The following ARHGEF39 variants were observed in gnomAD, a reference collection of about 807,000 sequenced individuals.
The protein encoded by ARHGEF39 is Rho guanine nucleotide exchange factor 39, also known as Rho guanine nucleotide exchange factor (GEF) 39.
In ARHGEF39, 45 loss-of-function variants were observed where a neutral mutation model predicts 47.5. The observed-to-expected ratio is 0.95, with a 90% CI of 0.75 to 1.22. ARHGEF39 has a LOEUF of 1.22. Among genes scored for constraint, ARHGEF39 ranks in the 50% most tolerant of loss-of-function variants. The pLI is 0.00. For missense variants in ARHGEF39, 411 were observed against 425.3 expected, an observed-to-expected ratio of 0.97 and a Z score of 0.30; for synonymous variants, 164 against 167.8, an observed-to-expected ratio of 0.98 and a Z score of 0.17.
rs373051260 is a variant in ARHGEF39 at position 35,660,786 on chromosome 9, A to G, written c.*1201T>C. The G allele has an allele frequency of 1.2e-5, 19 of 1,614,012 alleles. No individual in the cohort carries two copies. The highest frequency in any genetic ancestry group is 6.7e-5 in the African/African-American group (5 of 74,938). ...TGGAGCCCAGCAGGAGCTTCTGAACATGAAGCTATGGACCATCCACGAGCT... is the reference window on the plus strand; with the variant it reads ...TGGAGCCCAGCAGGAGCTTCTGAACGTGAAGCTATGGACCATCCACGAGCT... On this transcript the variant is annotated 3_prime_UTR_variant, in exon 9 of 9. Transcript: ENST00000378387.
chr9:35,665,010 G>A, intron 1 of ARHGEF39, 22 bp downstream of exon 1: 1 of 1,539,118 alleles, frequency 6.5e-7, no homozygotes, highest in Non-Finnish European at 8.7e-7. Flanking sequence ...CCTATAATGG[G>A]AGCGTGTGCC....
chr9:35,661,330 G>T lies in ARHGEF39; in HGVS notation c.*657C>A. On this transcript the variant is annotated 3_prime_UTR_variant, in exon 9 of 9. Transcript: ENST00000378387. ...TTCCAGTGTGACAGCAGAGAAGATA[G>T]AGGGAGCTCCAGCTCTTTTCCTCGT... 1.7e-6 allele frequency: 1 copy of T among 602,266 alleles called. No homozygotes were observed. The allele number at this position is 602,266 out of a possible 1,614,324, so 37.3% of individuals were successfully genotyped here. A position where few individuals can be genotyped will look rare whatever the true frequency, so the allele number is the denominator to read the frequency against.
rs1308908431 is a variant in ARHGEF39, at chr9:35,661,564, C to T, written c.*423G>A. On this transcript the variant is annotated 3_prime_UTR_variant, in exon 9 of 9. Coordinates refer to ENST00000378387, the MANE Select transcript of ARHGEF39 (RefSeq NM_032818.3). ...GATAAATGACGGGCCATGGACACAG[C>T]ACAGAGCTTATCAGTCCCAAATCCC... is the stretch of plus-strand genomic sequence containing the variant. 1 of 441,100 alleles carries T rather than the reference C, an allele frequency of 2.3e-6. No individual in the cohort carries two copies. The highest frequency in any genetic ancestry group is 4.0e-6 in the Non-Finnish European group (1 of 251,516). The allele number at this position is 441,100 out of a possible 1,614,324, so 27.3% of individuals were successfully genotyped here.
At chr9:35,663,888 G>C in intron 4 of ARHGEF39, 120 bp downstream of exon 4, 1 of 1,052,718 alleles carries the variant, frequency 9.5e-7, no homozygotes, top group Non-Finnish European at 1.4e-6. Context: ...GTTTTTAGAA[G>C]CAATTTGGCT....
At position 35,660,821 on chromosome 9, in the gene ARHGEF39, T is replaced by TA. The variant is rs1400104171; in HGVS notation, c.*1165dup. 9 of 1,614,042 alleles carry TA rather than the reference T, an allele frequency of 5.6e-6. No homozygotes were observed. Among genetic ancestry groups the TA allele is most frequent in the Non-Finnish European group, 1.7e-6 (2 of 1,180,046 alleles). On this transcript the variant is annotated 3_prime_UTR_variant, in exon 9 of 9. Transcript: ENST00000378387. ...GGACCATCCACGAGCTGCTGCAAGA[T>TA]AGCAAGCCGGACAAGGATATGGAGG...
rs764348967 is a variant in ARHGEF39 at position 35,662,926 on chromosome 9, A to C, written c.673+20T>G. 2 of 1,604,622 alleles carry C rather than the reference A, an allele frequency of 1.2e-6. No homozygotes were observed. Among genetic ancestry groups the C allele is most frequent in the South Asian group, 1.1e-5 (1 of 90,864 alleles). ...AAAAGATGGGGCAGTTGAGGATTGA[A>C]GGGGAAGTAGGCAAGCTACCTGAGG... is the stretch of plus-strand genomic sequence containing the variant. On this transcript the variant is annotated intron_variant, in intron 6 of 8. Transcript: ENST00000378387.
intron 6 of ARHGEF39, 101 bp from the exon 7 acceptor site, chr9:35,662,842 C>G (rs1824035054): frequency 6.4e-7 from 1 of 1,552,036 alleles, no homozygotes; most frequent in Admixed American, 1.9e-5. Flanking sequence ...TGGGTCAGTA[C>G]AGGAAGAAGG....
At chr9:35,662,121 A>G (rs1322979195) in intron 8 of ARHGEF39, 58 bp downstream of exon 8, 10 of 1,593,392 alleles carry the variant, frequency 6.3e-6, no homozygotes, top group African/African-American at 5.4e-5. Flanking sequence ...CAGGAACTGC[A>G]TATTTCCTGC....
chr9:35,660,323 CTT>C lies in ARHGEF39; in HGVS notation c.*1662_*1663del, dbSNP rs746141126. ...GTCTCCATCTCAAATTGCACTCTCT[CTT>C]GGCTGGCTCTGGAGACTGAGGTGAT... is the stretch of plus-strand genomic sequence containing the variant. On this transcript the variant is annotated 3_prime_UTR_variant, in exon 9 of 9. Transcript: ENST00000378387. 7.7e-6 allele frequency: 10 copies of C among 1,290,796 alleles called. No homozygotes were observed. The highest frequency in any genetic ancestry group is 6.0e-5 in the African/African-American group (4 of 67,220). 80.0% of individuals were successfully genotyped at this position (1,290,796 alleles called of 1,614,324 possible). A position where few individuals can be genotyped will look rare whatever the true frequency, so the allele number is the denominator to read the frequency against.
Position 35,662,594 on chromosome 9 carries a change from C to T in ARHGEF39, c.821G>A (p.Cys274Tyr), listed in dbSNP as rs772908000. ...LHLLRSGTFA[C>Y]KALYPMAQCH... is the part of the protein sequence containing the mutation. ...CTGGGCCATGGGGTAGAGGGCCTTG[C>T]AGGCAAAGGTGCCACTCCGCAGCAG... The change falls in exon 7 of 9, where the codon TGC becomes TAC. Residue 274 changes from cysteine (C) to tyrosine (Y), a missense_variant. Physicochemically the swap from Cys to Tyr is radical, Grantham distance 194. Transcript: ENST00000378387. 2.5e-6 allele frequency: 4 copies of T among 1,614,212 alleles called. No homozygotes were observed. In the East Asian group the frequency reaches 6.7e-5, roughly 27 times the overall value.
At position 35,662,617 on chromosome 9, in the gene ARHGEF39, C is replaced by T. The variant is rs1289053591; in HGVS notation, c.798G>A (p.Leu266=). The change falls in exon 7 of 9, where the codon CTG becomes CTA. Residue 266 remains leucine (L), a synonymous_variant. Coordinates refer to ENST00000378387, the MANE Select transcript of ARHGEF39 (RefSeq NM_032818.3). ...LMAKPRPPLH[L]LRSGTFACKA... ...TGCAGGCAAAGGTGCCACTCCGCAG[C>T]AGGTGCAGTGGAGGCCGAGGCTTGG... The T allele has an allele frequency of 6.2e-7, 1 of 1,614,128 alleles. No individual in the cohort carries two copies. Among genetic ancestry groups the T allele is most frequent in the Non-Finnish European group, 8.5e-7 (1 of 1,180,026 alleles).
rs955410351 is a variant in ARHGEF39, at chr9:35,661,555, T to C, written c.*432A>G. 5 of 445,048 alleles carry C rather than the reference T, an allele frequency of 1.1e-5. No homozygotes were observed. The highest frequency in any genetic ancestry group is 4.1e-5 in the African/African-American group (2 of 49,152). 27.6% of individuals were successfully genotyped at this position (445,048 alleles called of 1,614,324 possible). On this transcript the variant is annotated 3_prime_UTR_variant, in exon 9 of 9. Coordinates refer to ENST00000378387, the MANE Select transcript of ARHGEF39 (RefSeq NM_032818.3). Reference sequence around the variant, plus strand: ...TGCAGCCTTGATAAATGACGGGCCATGGACACAGCACAGAGCTTATCAGTC... The same window carrying C: ...TGCAGCCTTGATAAATGACGGGCCACGGACACAGCACAGAGCTTATCAGTC...
intron 4 of ARHGEF39, among the ~76,000 whole-genome samples, chr9:35,663,749 T>G (rs1824095170): frequency 6.6e-6 from 1 of 152,190 alleles, no homozygotes; most frequent in African/African-American, 2.4e-5. Context: ...CTGAAACTTT[T>G]CCAGAAACCG....
rs779926968 is a variant in ARHGEF39 at position 35,661,098 on chromosome 9, C to G, written c.*889G>C. Reference sequence around the variant, plus strand: ...GCGGGGACTACGGAGAAGGTGCAGCCAGGCTGTGGCAAAGGGCCCCAGTCA... The same window carrying G: ...GCGGGGACTACGGAGAAGGTGCAGCGAGGCTGTGGCAAAGGGCCCCAGTCA... On this transcript the variant is annotated 3_prime_UTR_variant, in exon 9 of 9. Transcript: ENST00000378387. The G allele has an allele frequency of 1.2e-5, 20 of 1,613,998 alleles. No individual in the cohort carries two copies. Among genetic ancestry groups the G allele is most frequent in the Non-Finnish European group, 1.4e-5 (16 of 1,180,014 alleles).
At chr9:35,663,129 G>C in intron 5 of ARHGEF39, 55 bp from the exon 6 acceptor site, 1 of 1,606,670 alleles carries the variant, frequency 6.2e-7, no homozygotes. Context: ...TGGGTGCCAT[G>C]GTTGTGAAAG....
chr9:35,663,203 G>A, intron 5 of ARHGEF39, 119 bp downstream of exon 5: 1 of 1,551,726 alleles, frequency 6.4e-7, no homozygotes, highest in South Asian at 1.1e-5. Context: ...GAGCAGTAGG[G>A]ACACTGTATA....
chr9:35,663,229 T>TA (rs1213424201), intron 5 of ARHGEF39, 93 bp downstream of exon 5: 5 of 1,559,440 alleles, frequency 3.2e-6, no homozygotes, highest in Middle Eastern at 1.7e-4. Flanking sequence ...CAGTGGAAGA[T>TA]AGGGTCATAC....
chr9:35,663,936 A>G, intron 4 of ARHGEF39, 72 bp downstream of exon 4: 16 of 1,483,910 alleles, frequency 1.1e-5, no homozygotes, highest in Non-Finnish European at 1.5e-5. Flanking sequence ...ACCCCAAGGC[A>G]TCCCACAAAG....
At chr9:35,664,252 G>C in intron 3 of ARHGEF39, 120 bp downstream of exon 3, 1 of 1,518,300 alleles carries the variant, frequency 6.6e-7, no homozygotes, top group Non-Finnish European at 9.0e-7. Flanking sequence ...TTCTCTACAA[G>C]GAACTTACCA....
Sources: allele counts gnomAD v4.1 joint callset (sites outside exome capture counted in the v4.1 genomes callset), GRCh38; gene constraint gnomAD v4.1.1; transcripts MANE v1.5; gene names NCBI Gene and HGNC (gene_info 2026-07-23, HGNC 2026-07-21).